Variants in ADPRS observed in about 807,000 individuals in gnomAD.
ADPRS encodes the protein ADP-ribosylserine hydrolase.
In ADPRS, 25 loss-of-function variants were observed where a neutral mutation model predicts 32.1. That is an observed-to-expected ratio of 0.78 (90% CI 0.57 to 1.09). ADPRS has a LOEUF of 1.09. Among genes scored for constraint, ADPRS ranks in the 50% least tolerant of loss-of-function variants. The pLI is 0.00. For synonymous variants in ADPRS, 225 were observed against 201.0 expected, an observed-to-expected ratio of 1.12 and a Z score of -1.01; for missense variants, 482 against 480.6, an observed-to-expected ratio of 1.00 and a Z score of -0.03.
At position 36,091,256 on chromosome 1, in the gene ADPRS, A is replaced by G. The variant is rs1488854904; in HGVS notation, c.224A>G (p.Tyr75Cys). Residue 75 changes from tyrosine to cysteine, a missense_variant, in exon 2 of 6, where the codon TAC becomes TGC. Tyr to Cys is a radical substitution (Grantham distance 194). Transcript: ENST00000373178. Reference sequence around the variant, plus strand: ...CCTCTCCCCACAGAAGCCTTGTACTACACAGATGACACAGCCATGGCCAGG... The same window carrying G: ...CCTCTCCCCACAGAAGCCTTGTACTGCACAGATGACACAGCCATGGCCAGG... Reference protein sequence around the residue: ...PGSERTEALYYTDDTAMARAL... With the variant: ...PGSERTEALYCTDDTAMARAL... 3.7e-6 allele frequency: 6 copies of G among 1,614,180 alleles called. No individual in the cohort carries two copies. Among genetic ancestry groups the G allele is most frequent in the Non-Finnish European group, 5.1e-6 (6 of 1,180,008 alleles).
At chr1:36,092,686 C>A (rs2124057375) in intron 5 of ADPRS, among the ~76,000 whole-genome samples, 164 bp downstream of exon 5, 2 of 152,354 alleles carry the variant, frequency 1.3e-5, no homozygotes, top group East Asian at 3.9e-4. Flanking sequence ...TCTGAAGCTA[C>A]AGCACCCTCA....
chr1:36,089,090 C>A lies in ADPRS; in HGVS notation c.186C>A (p.Pro62=). Residue 62 remains proline (P), a synonymous_variant, in exon 1 of 6, where the codon CCC becomes CCA. Transcript: ENST00000373178. ...ATGTCCAGAGTCTGGAGCCGGACCCCGGCACGCCCGGGAGTGAGCGGACAG... is the reference window on the plus strand; with the variant it reads ...ATGTCCAGAGTCTGGAGCCGGACCCAGGCACGCCCGGGAGTGAGCGGACAG... ...LRHVQSLEPD[P]GTPGSERTEA... 1 of 1,429,974 alleles carries A rather than the reference C, an allele frequency of 7.0e-7. No homozygotes were observed. The highest frequency in any genetic ancestry group is 2.8e-5 in the East Asian group (1 of 35,272). 88.6% of individuals were successfully genotyped at this position (1,429,974 alleles called of 1,614,324 possible). A position where few individuals can be genotyped will look rare whatever the true frequency, so the allele number is the denominator to read the frequency against.
chr1:36,089,149 C>A (rs759072063), intron 1 of ADPRS, 34 bp downstream of exon 1: 6 of 1,383,930 alleles, frequency 4.3e-6, no homozygotes, highest in African/African-American at 1.5e-5. Context: ...AGAGGCCGTG[C>A]GGGAGGGAGG....
chr1:36,092,225 G>A (rs1053191648), intron 4 of ADPRS, 131 bp downstream of exon 4: 11 of 1,327,910 alleles, frequency 8.3e-6, no homozygotes, highest in African/African-American at 1.5e-5. Context: ...CCTTTATCTT[G>A]TCTATGTTTC....
intron 3 of ADPRS, 38 bp downstream of exon 3, chr1:36,091,863 C>T: frequency 3.2e-6 from 5 of 1,586,792 alleles, no homozygotes; most frequent in Non-Finnish European, 4.3e-6. Flanking sequence ...TGTCCCCTTC[C>T]TCTTCTGCAG....
In ADPRS at chr1:36,088,955, C is replaced by G. The variant is rs762677305; in HGVS notation, c.51C>G (p.Ala17=). The change falls in exon 1 of 6, where the codon GCC becomes GCG. Residue 17 remains alanine (A), a synonymous_variant. Coordinates refer to ENST00000373178, the MANE Select transcript of ADPRS (RefSeq NM_017825.3). ...CGGCAGGTGGAGGGGCTGGCGCGGCCCGCTCCCTCTCGCGCTTCCGAGGCT... is the reference window on the plus strand; with the variant it reads ...CGGCAGGTGGAGGGGCTGGCGCGGCGCGCTCCCTCTCGCGCTTCCGAGGCT... The part of the protein sequence containing the change: ...AAAAGGGAGA[A]RSLSRFRGCL... The G allele has an allele frequency of 4.6e-6, 7 of 1,511,912 alleles. No individual in the cohort carries two copies. The Admixed American group carries it at 1.3e-4, about 28-fold the overall frequency. The allele number at this position is 1,511,912 out of a possible 1,614,324, so 93.7% of individuals were successfully genotyped here.
Position 36,092,434 on chromosome 1 carries a change from G to A in ADPRS, c.714G>A (p.Glu238=), listed in dbSNP as rs149547220. The A allele has an allele frequency of 1.4e-4, 218 of 1,614,142 alleles. No individual in the cohort carries two copies. The Middle Eastern group carries it at 2.3e-3, about 17-fold the overall frequency. Residue 238 remains glutamate (E), a synonymous_variant, in exon 5 of 6, where the codon GAG becomes GAA. Transcript: ENST00000373178. ...CCCTAAACCACAGGTTGGGCATGGA[G>A]GAGCGTCCATACTCCAGCCGCCTGA... ...SVLDARELGM[E]ERPYSSRLKK...
At chr1:36,090,040 T>A (rs1396519235) in intron 1 of ADPRS, among the ~76,000 whole-genome samples, 1 of 151,994 alleles carries the variant, frequency 6.6e-6, no homozygotes, top group Non-Finnish European at 1.5e-5. Flanking sequence ...GGAAACAGTT[T>A]GATAGGAGGA....
chr1:36,088,939 G>C lies in ADPRS; in HGVS notation c.35G>C (p.Gly12Ala). ...AAAAMAAAAG[G>A]GAGAARSLSR... ...GCGGCGATGGCGGCAGCGGCAGGTG[G>C]AGGGGCTGGCGCGGCCCGCTCCCTC... Residue 12 changes from glycine to alanine, a missense_variant, in exon 1 of 6, where the codon GGA (glycine) becomes GCA (alanine). By Grantham distance (60) the Gly-to-Ala change is moderately conservative (BLOSUM62 0). Coordinates refer to ENST00000373178, the MANE Select transcript of ADPRS (RefSeq NM_017825.3). The C allele has an allele frequency of 6.6e-7, 1 of 1,524,236 alleles. No homozygotes were observed. Among genetic ancestry groups the C allele is most frequent in the Non-Finnish European group, 8.8e-7 (1 of 1,140,824 alleles). 94.4% of individuals were successfully genotyped at this position (1,524,236 alleles called of 1,614,324 possible). A position where few individuals can be genotyped will look rare whatever the true frequency, so the allele number is the denominator to read the frequency against.
chr1:36,091,707 G>A lies in ADPRS; in HGVS notation c.398G>A (p.Arg133His), dbSNP rs371118290. 3.0e-5 allele frequency: 48 copies of A among 1,613,834 alleles called. No homozygotes were observed. Among genetic ancestry groups the A allele is most frequent in the Admixed American group, 1.3e-4 (8 of 59,948 alleles). The change falls in exon 3 of 6, where the codon CGC becomes CAC. Residue 133 changes from arginine (R) to histidine (H), a missense_variant. By Grantham distance (29) the Arg-to-His change is conservative (BLOSUM62 0). Transcript: ENST00000373178. ...VFKKLLNPKC[R>H]DVFEPARAQF... ...AAGAAGCTCCTGAACCCCAAATGTC[G>A]CGATGTCTTTGAGCCTGCCCGGGCC...
Position 36,093,398 on chromosome 1 carries a change from G to A in ADPRS, c.*12G>A, listed in dbSNP as rs1332622600. On this transcript the variant is annotated 3_prime_UTR_variant, in exon 6 of 6. Coordinates refer to ENST00000373178, the MANE Select transcript of ADPRS (RefSeq NM_017825.3). ...TCCAGAAGAGTTGATGAGGGCTACA[G>A]CTGTTGGGGCTCTGCCAGGTCCCCT... is the stretch of plus-strand genomic sequence containing the variant. The A allele has an allele frequency of 1.4e-5, 22 of 1,603,682 alleles. No individual in the cohort carries two copies. The highest frequency in any genetic ancestry group is 1.9e-5 in the Non-Finnish European group (22 of 1,172,592).
chr1:36,091,485 C>T lies in ADPRS; in HGVS notation c.309-133C>T, dbSNP rs1452683076. Reference sequence around the variant, plus strand: ...GCTGGCACAGCTTCCCAAGCTAAAACAGCAGCACTGCTGGTGCAGGCTCCT... The same window carrying T: ...GCTGGCACAGCTTCCCAAGCTAAAATAGCAGCACTGCTGGTGCAGGCTCCT... On this transcript the variant is annotated intron_variant, in intron 2 of 5. Coordinates refer to ENST00000373178, the MANE Select transcript of ADPRS (RefSeq NM_017825.3). The T allele has an allele frequency of 3.3e-6, 4 of 1,203,674 alleles. No homozygotes were observed. In the Admixed American group the frequency reaches 6.8e-5, roughly 20 times the overall value. The allele number at this position is 1,203,674 out of a possible 1,614,324, so 74.6% of individuals were successfully genotyped here.
chr1:36,091,166 C>T (rs893087693), intron 1 of ADPRS, 78 bp from the exon 2 acceptor site: 1 of 1,221,162 alleles, frequency 8.2e-7, no homozygotes, highest in Non-Finnish European at 1.2e-6. Flanking sequence ...GAGACTCTGT[C>T]TCCAAAAAAA....
At chr1:36,092,366 G>T in intron 4 of ADPRS, 56 bp from the exon 5 acceptor site, 1 of 1,550,732 alleles carries the variant, frequency 6.4e-7, no homozygotes, top group Non-Finnish European at 8.9e-7. Flanking sequence ...CCTCTCCCCT[G>T]CCCGCGCCAC....
chr1:36,093,489 C>T lies in ADPRS; in HGVS notation c.*103C>T. ...TGAGTGTGGCTTCCCACTTTTCCTGCATTGTGGAGCTGACTGAGTACACCG... is the reference window on the plus strand; with the variant it reads ...TGAGTGTGGCTTCCCACTTTTCCTGTATTGTGGAGCTGACTGAGTACACCG... On this transcript the variant is annotated 3_prime_UTR_variant, in exon 6 of 6. Coordinates refer to ENST00000373178, the MANE Select transcript of ADPRS (RefSeq NM_017825.3). 6.9e-7 allele frequency: 1 copy of T among 1,447,178 alleles called. No homozygotes were observed. Among genetic ancestry groups the T allele is most frequent in the East Asian group, 2.3e-5 (1 of 43,234 alleles). The allele number at this position is 1,447,178 out of a possible 1,614,324, so 89.6% of individuals were successfully genotyped here. A position where few individuals can be genotyped will look rare whatever the true frequency, so the allele number is the denominator to read the frequency against.
intron 1 of ADPRS, 27 bp downstream of exon 1, chr1:36,089,142 G>A: frequency 7.2e-7 from 1 of 1,394,932 alleles, no homozygotes. Context: ...GCAAGTCAGA[G>A]GCCGTGCGGG....
rs776629074 is a variant in ADPRS, at chr1:36,091,618, A to G, written c.309A>G (p.Arg103=). ...EAFDEVDMAH[R]FAQEYKKDPD... ...TTCTGTCTCCCCTTCTGTTCCCTAG[A>G]TTTGCTCAGGAGTACAAGAAAGACC... The change falls in exon 3 of 6, where the codon AGA becomes AGG. Residue 103 remains arginine, a splice_region_variant and synonymous_variant. Coordinates refer to ENST00000373178, the MANE Select transcript of ADPRS (RefSeq NM_017825.3). 1.9e-6 allele frequency: 3 copies of G among 1,586,690 alleles called. No homozygotes were observed. The highest frequency in any genetic ancestry group is 2.2e-5 in the East Asian group (1 of 44,446).
Position 36,091,347 on chromosome 1 carries a change from G to C in ADPRS, c.308+7G>C. On this transcript the variant is annotated splice_region_variant and intron_variant, in intron 2 of 5. Coordinates refer to ENST00000373178, the MANE Select transcript of ADPRS (RefSeq NM_017825.3). ...AGGTGGACATGGCTCACAGGTGAGG[G>C]GGATGGTCCTGGGCTGAGGCAAACC... The C allele has an allele frequency of 6.2e-7, 1 of 1,613,848 alleles. No homozygotes were observed. Among genetic ancestry groups the C allele is most frequent in the Non-Finnish European group, 8.5e-7 (1 of 1,179,822 alleles).
In ADPRS at chr1:36,093,783, C is replaced by A. The variant is rs542787636; in HGVS notation, c.*397C>A. The A allele has an allele frequency of 1.2e-4, 23 of 185,698 alleles. No homozygotes were observed. Among genetic ancestry groups the A allele is most frequent in the African/African-American group, 5.3e-4 (23 of 43,204 alleles). The allele number at this position is 185,698 out of a possible 1,614,324, so 11.5% of individuals were successfully genotyped here. A position where few individuals can be genotyped will look rare whatever the true frequency, so the allele number is the denominator to read the frequency against. On this transcript the variant is annotated 3_prime_UTR_variant, in exon 6 of 6. Transcript: ENST00000373178. ...TTAGCCAGTTTGCCAGCAAGCGCAT[C>A]CTAGCAGGGTCCCCGAGCAGCAGGT... is the stretch of plus-strand genomic sequence containing the variant.
Sources: gnomAD v4.1 joint callset for allele counts (sites outside exome capture counted in the v4.1 genomes callset) on GRCh38, gnomAD v4.1.1 for gene constraint, MANE v1.5 for transcripts, NCBI Gene and HGNC (gene_info 2026-07-23, HGNC 2026-07-21) for gene names.